Variants in SMOC2 observed in about 807,000 individuals in gnomAD.
SMOC2 encodes SPARC-related modular calcium-binding protein 2.
SMOC2 carries 39 observed loss-of-function variants against 61.4 expected under a neutral mutation model. The ratio of observed to expected loss-of-function variants is 0.64; its 90% CI spans 0.49 to 0.83. The LOEUF (loss-of-function observed/expected upper bound fraction) is 0.83. Among genes scored for constraint, SMOC2 ranks in the 40% least tolerant of loss-of-function variants. The pLI, the probability that SMOC2 is intolerant of heterozygous loss-of-function variation, is 0.00. For synonymous variants in SMOC2, 247 were observed against 239.9 expected (o/e 1.03, Z -0.27); for missense variants, 556 against 592.9 (o/e 0.94, Z 0.65).
At chr6:168,448,320 G>C (rs979196852) in intron 1 of SMOC2, among the ~76,000 whole-genome samples, 1 of 152,190 alleles carries the variant, frequency 6.6e-6, no homozygotes, top group Non-Finnish European at 1.5e-5. Context: ...CTGGGGAGGA[G>C]GATGGCACTG....
intron 1 of SMOC2, among the ~76,000 whole-genome samples, chr6:168,486,718 T>C (rs1782348539): frequency 6.6e-6 from 1 of 152,050 alleles, no homozygotes; most frequent in Non-Finnish European, 1.5e-5. Context: ...TGGCTTGTTC[T>C]GTTTGTTCAC....
intron 4 of SMOC2, among the ~76,000 whole-genome samples, chr6:168,530,478 T>G (rs1783562355): frequency 6.6e-6 from 1 of 152,108 alleles, no homozygotes; most frequent in South Asian, 2.1e-4. Context: ...AGGCAGCATT[T>G]TATTTATAAA....
chr6:168,465,334 A>G (rs1001040095), intron 1 of SMOC2, among the ~76,000 whole-genome samples: 6 of 152,156 alleles, frequency 3.9e-5, no homozygotes, highest in African/African-American at 1.4e-4. Flanking sequence ...CTACATGATA[A>G]GAGCAAACTT....
chr6:168,562,547 G>C (rs1208356975), intron 7 of SMOC2, among the ~76,000 whole-genome samples: 1 of 152,112 alleles, frequency 6.6e-6, no homozygotes, highest in Admixed American at 6.5e-5. Context: ...GGGGTGAGGA[G>C]GTACTGTTTT....
chr6:168,540,881 T>A (rs780080984), intron 4 of SMOC2, among the ~76,000 whole-genome samples: 4 of 152,166 alleles, frequency 2.6e-5, no homozygotes, highest in Non-Finnish European at 5.9e-5. Flanking sequence ...TGCAGGGAGC[T>A]GCCCCTCACC....
intron 7 of SMOC2, among the ~76,000 whole-genome samples, chr6:168,562,499 T>C (rs975696265): frequency 9.4e-5 from 14 of 149,614 alleles, no homozygotes; most frequent in East Asian, 2.0e-4. Context: ...TGACTGCGTT[T>C]TCGGAGGAGG....
intron 7 of SMOC2, among the ~76,000 whole-genome samples, chr6:168,550,432 C>A (rs985073790): frequency 3.3e-5 from 5 of 152,202 alleles, no homozygotes; most frequent in Non-Finnish European, 7.4e-5. Context: ...GAAAAGGACC[C>A]TTGAGGGAAG....
intron 2 of SMOC2, among the ~76,000 whole-genome samples, chr6:168,513,043 C>T (rs1285410959): frequency 6.6e-6 from 1 of 151,826 alleles, no homozygotes; most frequent in Non-Finnish European, 1.5e-5. Flanking sequence ...AAAGTAAAGA[C>T]AACATGATTA....
At chr6:168,600,761 T>A (rs2115190608) in intron 8 of SMOC2, among the ~76,000 whole-genome samples, 1 of 152,320 alleles carries the variant, frequency 6.6e-6, no homozygotes, top group Non-Finnish European at 1.5e-5. Flanking sequence ...GTGCCCCAAA[T>A]TTATCGCTTT....
In SMOC2 at chr6:168,620,378, T is replaced by C. The variant is rs564072476; in HGVS notation, c.907+12139T>C. Among the ~76,000 whole-genome samples, 26 of 152,200 alleles carry C rather than the reference T, an allele frequency of 1.7e-4. No individual in the cohort carries two copies. In the South Asian group the frequency reaches 5.2e-3, roughly 30 times the overall value. On this transcript the variant is annotated intron_variant, in intron 9 of 12. Coordinates refer to ENST00000356284, the MANE Select transcript of SMOC2 (RefSeq NM_001166412.2). The stretch of plus-strand genomic sequence containing the variant: ...TTGCATAGGTGGTGCTTGCCAATGT[T>C]CTGGGAGATGCAAGTCAATAGAGAT...
chr6:168,627,885 G>A (rs981658802), intron 9 of SMOC2, among the ~76,000 whole-genome samples: 3 of 152,218 alleles, frequency 2.0e-5, no homozygotes, highest in Non-Finnish European at 2.9e-5. Context: ...GAGGAGAAAG[G>A]CCCACAGGAG....
chr6:168,622,018 A>G (rs1006768132), intron 9 of SMOC2, among the ~76,000 whole-genome samples: 10 of 151,222 alleles, frequency 6.6e-5, no homozygotes, highest in Non-Finnish European at 1.5e-4. Flanking sequence ...CAGGCTGGAG[A>G]GCAGTGGCAT....
At chr6:168,622,584 C>T (rs979752146) in intron 9 of SMOC2, among the ~76,000 whole-genome samples, 17 of 152,008 alleles carry the variant, frequency 1.1e-4, no homozygotes, top group Non-Finnish European at 8.8e-5. Flanking sequence ...CATGTGTGCT[C>T]GGTTTCTTCC....
chr6:168,519,706 TGGAAG>T (rs1783282549), intron 2 of SMOC2, among the ~76,000 whole-genome samples: 1 of 152,200 alleles, frequency 6.6e-6, no homozygotes, highest in Non-Finnish European at 1.5e-5. Context: ...TTCTGCCCTC[TGGAAG>T]GTTCTAGTCA....
rs187532083 is a variant in SMOC2, at chr6:168,536,446, C to T, written c.464-7179C>T. On this transcript the variant is annotated intron_variant, in intron 4 of 12. Transcript: ENST00000356284. ...AAGGAGGTGGTTGGGTCCCAGGGCA[C>T]GGTGCCTGTGACTCTGAATGTCCCG... Among the ~76,000 whole-genome samples, 624 of 152,186 alleles carry T rather than the reference C, an allele frequency of 4.1e-3. 2 individuals carry two copies. Among genetic ancestry groups the T allele is most frequent in the Admixed American group, 6.7e-3 (102 of 15,294 alleles).
chr6:168,494,446 ACTT>A (rs1330518624), intron 1 of SMOC2, among the ~76,000 whole-genome samples: 1 of 152,212 alleles, frequency 6.6e-6, no homozygotes, highest in Non-Finnish European at 1.5e-5. Flanking sequence ...ACCTAGATAG[ACTT>A]CTTCTTGGCT....
At chr6:168,599,025 C>A (rs754789089) in intron 8 of SMOC2, 21 bp downstream of exon 8, 6 of 1,552,224 alleles carry the variant, frequency 3.9e-6, no homozygotes, top group East Asian at 2.4e-5. Context: ...TGCACCCACC[C>A]CCCCCGGGAC....
rs140640440 is a variant in SMOC2, at chr6:168,521,733, T to A, written c.257-4613T>A. Among the ~76,000 whole-genome samples the A allele has an allele frequency of 9.6e-4, 146 of 152,172 alleles. 1 individual carries two copies. Among genetic ancestry groups the A allele is most frequent in the Non-Finnish European group, 1.5e-3 (105 of 68,010 alleles). ...CCCCATCTCTACGAAAATTAAAAAA[T>A]TTGCCAGTCGTGGTGCCTGTCTTCC... is the stretch of plus-strand genomic sequence containing the variant. On this transcript the variant is annotated intron_variant, in intron 2 of 12. Coordinates refer to ENST00000356284, the MANE Select transcript of SMOC2 (RefSeq NM_001166412.2).
At chr6:168,662,209 C>T (rs764795543) in intron 11 of SMOC2, among the ~76,000 whole-genome samples, 1 of 152,196 alleles carries the variant, frequency 6.6e-6, no homozygotes, top group African/African-American at 2.4e-5. Flanking sequence ...AGTAAACACA[C>T]AGGAATGTGT....
Sources: gnomAD v4.1 joint callset for allele counts (sites outside exome capture counted in the v4.1 genomes callset) on GRCh38, gnomAD v4.1.1 for gene constraint, MANE v1.5 for transcripts, NCBI Gene and HGNC (gene_info 2026-07-23, HGNC 2026-07-21) for gene names.